Variants in TIAM1 observed in about 807,000 individuals in gnomAD.
TIAM1 encodes the protein rho guanine nucleotide exchange factor TIAM1.
In TIAM1, 65 loss-of-function variants were observed where a neutral mutation model predicts 163.5. The observed-to-expected ratio is 0.40, with a 90% CI of 0.33 to 0.49. The LOEUF (loss-of-function observed/expected upper bound fraction) is 0.49, where lower values mean the gene tolerates loss of function less well. TIAM1 is among the 20% of genes least tolerant of loss of function. The pLI, the probability that TIAM1 is intolerant of heterozygous loss-of-function variation, is 0.77. For missense variants in TIAM1, 1,789 were observed against 2,044.7 expected (o/e 0.87, Z 2.41); for synonymous variants, 833 against 810.1 (o/e 1.03, Z -0.48).
At chr21:31,244,393 A>G (rs2071383809) in intron 6 of TIAM1, among the ~76,000 whole-genome samples, 1 of 152,122 alleles carries the variant, frequency 6.6e-6, no homozygotes, top group Middle Eastern at 3.2e-3. Context: ...AAGATTTGCT[A>G]TGTCTGTCCC....
chr21:31,543,339 G>A (rs2048379045), intron 1 of TIAM1, among the ~76,000 whole-genome samples: 2 of 152,226 alleles, frequency 1.3e-5, no homozygotes, highest in African/African-American at 2.4e-5. Flanking sequence ...CGCGTCATGC[G>A]TGCGTACAGA....
chr21:31,146,707 T>A (rs750683568), intron 20 of TIAM1, among the ~76,000 whole-genome samples, 188 bp downstream of exon 20: 1 of 79,082 alleles, frequency 1.3e-5, no homozygotes, highest in African/African-American at 8.7e-5. Flanking sequence ...TGAGACTCTG[T>A]CTCAAAAAAA....
At chr21:31,489,580 C>A (rs767369914) in intron 1 of TIAM1, among the ~76,000 whole-genome samples, 42 of 151,842 alleles carry the variant, frequency 2.8e-4, no homozygotes, top group Middle Eastern at 6.9e-3. Flanking sequence ...GACCCCCCCC[C>A]CCTTGGCAGA....
intron 2 of TIAM1, among the ~76,000 whole-genome samples, chr21:31,441,086 T>C (rs112846438): frequency 5.0e-4 from 76 of 152,346 alleles, no homozygotes; most frequent in African/African-American, 1.5e-3. Flanking sequence ...TCAGCTGGTC[T>C]TAACAGGTCA....
At chr21:31,165,283 T>C (rs1025054367) in intron 15 of TIAM1, among the ~76,000 whole-genome samples, 6 of 152,206 alleles carry the variant, frequency 3.9e-5, no homozygotes, top group Non-Finnish European at 8.8e-5. Context: ...TAATAAATAA[T>C]AGTTGTTGTG....
At chr21:31,519,111 C>A (rs2147489616) in intron 1 of TIAM1, among the ~76,000 whole-genome samples, 1 of 152,112 alleles carries the variant, frequency 6.6e-6, no homozygotes, top group South Asian at 2.1e-4. Flanking sequence ...GAGTTCGAGA[C>A]CAGCCTCAAC....
intron 10 of TIAM1, 127 bp downstream of exon 10, chr21:31,213,271 T>C: frequency 1.3e-6 from 1 of 775,262 alleles, no homozygotes. Flanking sequence ...TACATAACTT[T>C]TAAAAACTGA....
intron 1 of TIAM1, among the ~76,000 whole-genome samples, chr21:31,492,755 G>A (rs2147424946): frequency 1.3e-5 from 2 of 148,968 alleles, no homozygotes; most frequent in Non-Finnish European, 3.0e-5. Context: ...TAAATTGATT[G>A]AGACCTGAGA....
intron 12 of TIAM1, among the ~76,000 whole-genome samples, chr21:31,195,601 C>T (rs553230207): frequency 6.6e-6 from 1 of 152,142 alleles, no homozygotes; most frequent in East Asian, 1.9e-4. Context: ...TAATGGAGAT[C>T]TCTAGTTGTG....
intron 1 of TIAM1, among the ~76,000 whole-genome samples, chr21:31,515,744 A>G (rs1346457077): frequency 6.6e-6 from 1 of 152,168 alleles, no homozygotes; most frequent in Non-Finnish European, 1.5e-5. Flanking sequence ...CAGAATTTCC[A>G]TGGAGCAAGT....
chr21:31,135,812 C>T (rs905491804), intron 23 of TIAM1, 121 bp downstream of exon 23: 3 of 870,262 alleles, frequency 3.4e-6, no homozygotes, highest in Admixed American at 2.2e-5. Context: ...GCAGGAAGAC[C>T]GATTCAAGTA....
At chr21:31,532,655 CT>C (rs1174928550) in intron 1 of TIAM1, among the ~76,000 whole-genome samples, 5 of 152,154 alleles carry the variant, frequency 3.3e-5, no homozygotes, top group African/African-American at 1.2e-4. Context: ...TAGCCTTGTA[CT>C]TTTTAATCTC....
At chr21:31,528,486 C>A (rs981245858) in intron 1 of TIAM1, among the ~76,000 whole-genome samples, 1 of 151,712 alleles carries the variant, frequency 6.6e-6, no homozygotes, top group African/African-American at 2.4e-5. Context: ...CCTCCATACT[C>A]CAGCCTGGGC....
At chr21:31,262,820 A>G (rs1271639323) in intron 4 of TIAM1, among the ~76,000 whole-genome samples, 1 of 152,196 alleles carries the variant, frequency 6.6e-6, no homozygotes, top group Non-Finnish European at 1.5e-5. Context: ...TCTGGGGAGT[A>G]AAATTGCTGA....
intron 2 of TIAM1, among the ~76,000 whole-genome samples, chr21:31,436,645 A>G (rs1233995475): frequency 6.6e-6 from 1 of 151,830 alleles, no homozygotes; most frequent in Non-Finnish European, 1.5e-5. Flanking sequence ...ATAAAAATAA[A>G]TAAATTAATT....
intron 8 of TIAM1, among the ~76,000 whole-genome samples, chr21:31,220,679 C>A (rs541011665): frequency 2.0e-5 from 3 of 152,218 alleles, no homozygotes; most frequent in African/African-American, 7.2e-5. Context: ...TTGCTTGGGG[C>A]CTTGTAAACT....
At chr21:31,158,762 G>A (rs2083751999) in intron 16 of TIAM1, among the ~76,000 whole-genome samples, 1 of 151,948 alleles carries the variant, frequency 6.6e-6, no homozygotes, top group African/African-American at 2.4e-5. Context: ...CATACTGTGG[G>A]GCTCAGCTTT....
intron 22 of TIAM1, 148 bp from the exon 23 acceptor site, chr21:31,136,189 G>A: frequency 1.5e-6 from 1 of 668,646 alleles, no homozygotes; most frequent in Non-Finnish European, 2.5e-6. Flanking sequence ...GTGAGATAAT[G>A]CTAAGTTAAA....
chr21:31,302,794 C>T (rs557294123), intron 2 of TIAM1, among the ~76,000 whole-genome samples: 78 of 152,254 alleles, frequency 5.1e-4, no homozygotes, highest in Non-Finnish European at 9.4e-4. Context: ...ATGTAGACTG[C>T]CATTTTAATA....
Sources: gnomAD v4.1 joint callset for allele counts (sites outside exome capture counted in the v4.1 genomes callset) on GRCh38, gnomAD v4.1.1 for gene constraint, MANE v1.5 for transcripts, NCBI Gene and HGNC (gene_info 2026-07-23, HGNC 2026-07-21) for gene names.